Variants in PDPK1 observed in about 807,000 individuals in gnomAD.
The protein encoded by PDPK1 is 3-phosphoinositide dependent protein kinase 1, also known as 3-phosphoinositide-dependent protein kinase 1.
A neutral mutation model predicts 39.8 loss-of-function variants in PDPK1; 7 were observed. The ratio of observed to expected loss-of-function variants is 0.18; its 90% CI spans 0.10 to 0.33. PDPK1 has a LOEUF of 0.33. Ranked by LOEUF, PDPK1 falls within the 10% of genes least tolerant of loss-of-function variation. PDPK1 has a pLI of 1.00. For synonymous variants in PDPK1, 118 were observed against 159.1 expected, an observed-to-expected ratio of 0.74 and a Z score of 1.95; for missense variants, 182 against 384.7, an observed-to-expected ratio of 0.47 and a Z score of 4.41.
chr16:2,542,458 C>G (rs2066262540), intron 1 of PDPK1, among the ~76,000 whole-genome samples: 1 of 152,224 alleles, frequency 6.6e-6, no homozygotes, highest in Non-Finnish European at 1.5e-5. Flanking sequence ...CGCACCCAGC[C>G]TGGTTTCTGT....
Position 2,599,787 on chromosome 16 carries a change from G to T in PDPK1, c.*2020G>T, listed in dbSNP as rs2067178639. 1.7e-5 allele frequency: 4 copies of T among 233,610 alleles called. No individual in the cohort carries two copies. The East Asian group carries it at 2.4e-4, about 14-fold the overall frequency. The allele number at this position is 233,610 out of a possible 1,614,324, so 14.5% of individuals were successfully genotyped here. A position where few individuals can be genotyped will look rare whatever the true frequency, so the allele number is the denominator to read the frequency against. ...GAGAGTGGCTCTCTCAGATCTCTCA[G>T]GGCGTCTGGTTATAGGGAAACAAGT... is the stretch of plus-strand genomic sequence containing the variant. On this transcript the variant is annotated 3_prime_UTR_variant, in exon 14 of 14. Coordinates refer to ENST00000342085, the MANE Select transcript of PDPK1 (RefSeq NM_002613.5).
intron 7 of PDPK1, among the ~76,000 whole-genome samples, chr16:2,578,125 C>G (rs1246043365): frequency 6.7e-6 from 1 of 148,928 alleles, no homozygotes; most frequent in East Asian, 2.0e-4. Flanking sequence ...TGCCCCCCGT[C>G]GGGGTGGAGG....
chr16:2,569,601 GT>G (rs2066659660), intron 6 of PDPK1: 1 of 149,814 alleles, frequency 6.7e-6, no homozygotes, highest in Non-Finnish European at 1.5e-5. Flanking sequence ...TTGCTTGTGC[GT>G]ATAGATGAGT....
At chr16:2,546,696 T>C (rs977403976) in intron 1 of PDPK1, among the ~76,000 whole-genome samples, 11 of 152,162 alleles carry the variant, frequency 7.2e-5, no homozygotes, top group Non-Finnish European at 1.2e-4. Context: ...ACTCTCCTGG[T>C]CTCTTTCCTG....
Position 2,602,182 on chromosome 16 carries a change from A to C in PDPK1, c.*4415A>C, listed in dbSNP as rs190542981. On this transcript the variant is annotated 3_prime_UTR_variant, in exon 14 of 14. Transcript: ENST00000342085. ...TTCCCCAGTTATTTTCAAACTTGAC[A>C]TGAGCCTATGTTGACTCACTGGGTG... The C allele has an allele frequency of 1.1e-3, 250 of 234,460 alleles. 1 individual carries two copies. The highest frequency in any genetic ancestry group is 5.3e-3 in the African/African-American group (238 of 45,180). 14.5% of individuals were successfully genotyped at this position (234,460 alleles called of 1,614,324 possible).
At chr16:2,587,253 A>T (rs1340497680) in intron 11 of PDPK1, among the ~76,000 whole-genome samples, 2 of 151,864 alleles carry the variant, frequency 1.3e-5, no homozygotes, top group African/African-American at 4.8e-5. Context: ...TTGTCCATTT[A>T]TGTCTTCTAA....
intron 7 of PDPK1, among the ~76,000 whole-genome samples, chr16:2,580,399 G>A (rs1430994025): frequency 1.4e-5 from 2 of 146,364 alleles, no homozygotes; most frequent in Admixed American, 1.3e-4. Flanking sequence ...GGCGAGACGG[G>A]GTCTGCTGGG....
chr16:2,596,198 AT>A (rs1444102450), intron 12 of PDPK1, among the ~76,000 whole-genome samples: 2 of 151,848 alleles, frequency 1.3e-5, no homozygotes, highest in Non-Finnish European at 2.9e-5. Flanking sequence ...GTTGTTCTTT[AT>A]TTTTTTCTTT....
intron 6 of PDPK1, chr16:2,575,856 A>G (rs1426376153): frequency 1.4e-5 from 2 of 139,322 alleles, no homozygotes; most frequent in Non-Finnish European, 3.0e-5. Flanking sequence ...TTAAAAGCAC[A>G]TACGGCTCCG....
At chr16:2,557,306 C>T in intron 1 of PDPK1, 5 of 306,072 alleles carry the variant, frequency 1.6e-5, no homozygotes, top group South Asian at 4.2e-5. Flanking sequence ...TGAGTGCGCT[C>T]GCTTTATTAT....
chr16:2,596,558 G>C (rs2067106780), intron 12 of PDPK1, among the ~76,000 whole-genome samples: 1 of 152,206 alleles, frequency 6.6e-6, no homozygotes, highest in Non-Finnish European at 1.5e-5. Flanking sequence ...TATGGAGCCA[G>C]GCAAGTGTGT....
intron 11 of PDPK1, among the ~76,000 whole-genome samples, chr16:2,595,329 C>T (rs1336921742): frequency 1.3e-5 from 2 of 152,182 alleles, no homozygotes; most frequent in African/African-American, 2.4e-5. Context: ...ATAAACGGCT[C>T]TGTGGATCCT....
rs1433303399 is a variant in PDPK1 at position 2,602,696 on chromosome 16, G to A, written c.*4929G>A. On this transcript the variant is annotated 3_prime_UTR_variant, in exon 14 of 14. Transcript: ENST00000342085. ...ATAAAATAGGATAAATGACTAGTAC[G>A]TCTTTCAGGTGGGTGGCAAGCAGAA... 2 of 234,750 alleles carry A rather than the reference G, an allele frequency of 8.5e-6. No homozygotes were observed. Among genetic ancestry groups the A allele is most frequent in the Non-Finnish European group, 1.7e-5 (2 of 118,042 alleles). 14.5% of individuals were successfully genotyped at this position (234,750 alleles called of 1,614,324 possible). A position where few individuals can be genotyped will look rare whatever the true frequency, so the allele number is the denominator to read the frequency against.
rs1429814070 is a variant in PDPK1 at position 2,593,086 on chromosome 16, C to T, written c.1344-2707C>T. ...ACTTCTCAGTACTATTTCCGAATCG[C>T]TTCCTCAGTGAGTCCTCCCCAGGCT... On this transcript the variant is annotated intron_variant, in intron 11 of 13. Coordinates refer to ENST00000342085, the MANE Select transcript of PDPK1 (RefSeq NM_002613.5). The surrounding 1 kb of genome is among the most constrained non-coding windows in gnomAD (Gnocchi z 4.2). 8.8e-6 allele frequency: 4 copies of T among 456,124 alleles called. No homozygotes were observed. Among genetic ancestry groups the T allele is most frequent in the East Asian group, 7.0e-5 (1 of 14,374 alleles). 28.3% of individuals were successfully genotyped at this position (456,124 alleles called of 1,614,324 possible). A position where few individuals can be genotyped will look rare whatever the true frequency, so the allele number is the denominator to read the frequency against.
At chr16:2,558,111 A>C in intron 2 of PDPK1, 148 bp downstream of exon 2, 1 of 673,614 alleles carries the variant, frequency 1.5e-6, no homozygotes, top group South Asian at 1.8e-5. Flanking sequence ...ACCTGTTGTG[A>C]AGGCCACTTG....
intron 1 of PDPK1, chr16:2,539,078 CTTT>C (rs57517702): frequency 0.012 from 1,758 of 145,530 alleles, no homozygotes; most frequent in South Asian, 0.039. Context: ...CAGGATGCGG[CTTT>C]TTTTTTTTTT....
rs1185639737 is a variant in PDPK1, at chr16:2,597,596, G to A, written c.1555-55G>A. 7.9e-7 allele frequency: 1 copy of A among 1,264,048 alleles called. No individual in the cohort carries two copies. The highest frequency in any genetic ancestry group is 1.5e-5 in the African/African-American group (1 of 68,196). 78.3% of individuals were successfully genotyped at this position (1,264,048 alleles called of 1,614,324 possible). On this transcript the variant is annotated intron_variant, in intron 13 of 13. Transcript: ENST00000342085. This position sits in a 1 kb window ranked among gnomAD's most constrained non-coding sequence, Gnocchi z 6.3. ...GTCGCAGGCAGCTCACCAGGTTGGG[G>A]TGGGGGTTTTGGTGGGACTCCCTGG... is the stretch of plus-strand genomic sequence containing the variant.
intron 1 of PDPK1, among the ~76,000 whole-genome samples, chr16:2,544,380 G>A (rs1393788386): frequency 2.0e-5 from 3 of 152,174 alleles, no homozygotes; most frequent in African/African-American, 7.2e-5. Context: ...GAGAAACAGT[G>A]GTGAATAAGG....
chr16:2,538,054 TGAGGAGGCGCC>T lies in PDPK1; in HGVS notation c.-55_-45del. ...GGCTCCGCTTCGGGGAGGAGGACGC[TGAGGAGGCGCC>T]GAGCCGCGCAGCGCTGCGGGGGAGG... On this transcript the variant is annotated 5_prime_UTR_variant, in exon 1 of 14. Coordinates refer to ENST00000342085, the MANE Select transcript of PDPK1 (RefSeq NM_002613.5). 1.2e-6 allele frequency: 1 copy of T among 849,950 alleles called. No individual in the cohort carries two copies. Among genetic ancestry groups the T allele is most frequent in the Non-Finnish European group, 1.4e-6 (1 of 699,106 alleles). The allele number at this position is 849,950 out of a possible 1,614,324, so 52.7% of individuals were successfully genotyped here.
Sources: allele counts gnomAD v4.1 joint callset (sites outside exome capture counted in the v4.1 genomes callset), GRCh38; gene constraint gnomAD v4.1.1; non-coding constraint Gnocchi (gnomAD v3.1); transcripts MANE v1.5; gene names NCBI Gene and HGNC (gene_info 2026-07-23, HGNC 2026-07-21).